Variants in PDE11A observed in about 807,000 individuals in gnomAD.
The protein encoded by PDE11A is dual 3',5'-cyclic-AMP and -GMP phosphodiesterase 11A.
A neutral mutation model predicts 100.5 loss-of-function variants in PDE11A; 100 were observed. The ratio of observed to expected loss-of-function variants is 1.00; its 90% CI spans 0.85 to 1.18. The LOEUF is 1.18. Ranked by LOEUF, PDE11A falls within the 50% of genes most tolerant of loss-of-function variation. The probability of loss-of-function intolerance (pLI) is 0.00; values close to 1 mark genes in which losing one functional copy is unlikely to be tolerated. For synonymous variants in PDE11A, 381 were observed against 420.8 expected, an observed-to-expected ratio of 0.91 and a Z score of 1.16; for missense variants, 1,141 against 1,152.6, an observed-to-expected ratio of 0.99 and a Z score of 0.15.
chr2:177,806,670 GA>G (rs2082876675), intron 9 of PDE11A, among the ~76,000 whole-genome samples: 1 of 152,026 alleles, frequency 6.6e-6, no homozygotes, highest in Admixed American at 6.6e-5. Flanking sequence ...ATCAAGAGAA[GA>G]AATAATCAAT....
chr2:177,887,430 A>T (rs2084453959), intron 4 of PDE11A, among the ~76,000 whole-genome samples: 2 of 149,488 alleles, frequency 1.3e-5, no homozygotes, highest in South Asian at 4.3e-4. Flanking sequence ...GGGTCTTAGG[A>T]AACGTCGGCT....
chr2:177,962,234 AAAG>A (rs1042839059), intron 2 of PDE11A, among the ~76,000 whole-genome samples: 17 of 152,090 alleles, frequency 1.1e-4, no homozygotes, highest in African/African-American at 3.6e-4. Context: ...ATAACTTCCT[AAAG>A]AAGGTCATAT....
At chr2:177,656,822 A>C (rs1464657202) in intron 19 of PDE11A, among the ~76,000 whole-genome samples, 5 of 152,204 alleles carry the variant, frequency 3.3e-5, no homozygotes, top group African/African-American at 9.7e-5. Context: ...TATGAGAGCG[A>C]GGAGGCATAG....
chr2:177,960,833 C>T (rs546996004), intron 2 of PDE11A, among the ~76,000 whole-genome samples: 1 of 152,194 alleles, frequency 6.6e-6, no homozygotes, highest in South Asian at 2.1e-4. Flanking sequence ...CTAGTCTTGC[C>T]CTAGACATGA....
chr2:177,848,424 G>T (rs1483170489), intron 5 of PDE11A, among the ~76,000 whole-genome samples: 1 of 152,138 alleles, frequency 6.6e-6, no homozygotes, highest in Non-Finnish European at 1.5e-5. Flanking sequence ...CCCTAAGCTC[G>T]ATTCACTTCA....
intron 16 of PDE11A, chr2:177,677,738 A>G (rs955797028): frequency 6.6e-6 from 1 of 152,178 alleles, no homozygotes; most frequent in Non-Finnish European, 1.5e-5. Context: ...ACAAATGAGC[A>G]GTTCTATGTT....
rs1329258077 is a variant in PDE11A at position 177,629,399 on chromosome 2, C to T, written c.*8G>A. ...TAGTCATTTTGCAGCTGCAGCTGACCTGGAGGTTTAGTTCCTGTCTTCCTT... is the reference window on the plus strand; with the variant it reads ...TAGTCATTTTGCAGCTGCAGCTGACTTGGAGGTTTAGTTCCTGTCTTCCTT... On this transcript the variant is annotated 3_prime_UTR_variant, in exon 20 of 20. Transcript: ENST00000286063. 2 of 1,612,994 alleles carry T rather than the reference C, an allele frequency of 1.2e-6. No homozygotes were observed. Among genetic ancestry groups the T allele is most frequent in the Admixed American group, 1.7e-5 (1 of 59,996 alleles).
At chr2:177,987,887 G>C (rs79508925) in intron 2 of PDE11A, among the ~76,000 whole-genome samples, 2,176 of 152,260 alleles carry the variant, frequency 0.014, 35 homozygotes, top group East Asian at 0.075. Context: ...AGAAGTCTTT[G>C]TAAAGTCTTT....
In PDE11A at chr2:177,865,192, C is replaced by A. The variant is rs140972635; in HGVS notation, c.1367+10667G>T. Reference sequence around the variant, plus strand: ...ACTCAGGAGGGTGAGGCAGGAGAACCACTTGAACCCAATAGACAGAGGTTG... The same window carrying A: ...ACTCAGGAGGGTGAGGCAGGAGAACAACTTGAACCCAATAGACAGAGGTTG... On this transcript the variant is annotated intron_variant, in intron 5 of 19. Transcript: ENST00000286063. 4.6e-5 allele frequency among the ~76,000 whole-genome samples: 7 copies of A among 152,082 alleles called. No individual in the cohort carries two copies. In the East Asian group the frequency reaches 1.4e-3, roughly 29 times the overall value.
At chr2:178,035,407 C>G (rs924406363) in intron 1 of PDE11A, among the ~76,000 whole-genome samples, 5 of 152,068 alleles carry the variant, frequency 3.3e-5, no homozygotes, top group African/African-American at 1.2e-4. Context: ...CAAAAAAAGC[C>G]CAGGACCAGA....
At chr2:177,985,629 C>T (rs2105806104) in intron 2 of PDE11A, among the ~76,000 whole-genome samples, 1 of 152,338 alleles carries the variant, frequency 6.6e-6, no homozygotes, top group East Asian at 1.9e-4. Context: ...GAATTCTGAA[C>T]TCAACGTTAA....
intron 12 of PDE11A, chr2:177,722,984 G>A (rs957932825): frequency 2.0e-5 from 3 of 152,130 alleles, no homozygotes; most frequent in Non-Finnish European, 4.4e-5. Flanking sequence ...AACTTCCAGT[G>A]TTACAGTCTA....
intron 2 of PDE11A, among the ~76,000 whole-genome samples, chr2:177,945,233 G>T (rs1331295510): frequency 6.6e-6 from 1 of 151,122 alleles, no homozygotes; most frequent in Non-Finnish European, 1.5e-5. Context: ...GCCTCTGCCC[G>T]GCCGCCACCC....
chr2:177,687,942 T>G (rs2080978646), intron 15 of PDE11A: 1 of 152,228 alleles, frequency 6.6e-6, no homozygotes, highest in Non-Finnish European at 1.5e-5. Context: ...ATTTGCCAGC[T>G]GATGATTTTT....
At chr2:177,930,382 A>C (rs1474711501) in intron 2 of PDE11A, among the ~76,000 whole-genome samples, 1 of 152,206 alleles carries the variant, frequency 6.6e-6, no homozygotes, top group Non-Finnish European at 1.5e-5. Flanking sequence ...TATTCAATAA[A>C]AATACCTGGA....
intron 2 of PDE11A, among the ~76,000 whole-genome samples, chr2:177,964,411 G>C (rs962652408): frequency 6.6e-6 from 1 of 151,854 alleles, no homozygotes; most frequent in African/African-American, 2.4e-5. Flanking sequence ...TTAGGTTCAG[G>C]GGGTACATGT....
intron 4 of PDE11A, among the ~76,000 whole-genome samples, chr2:177,890,904 C>T (rs1357364887): frequency 6.6e-6 from 1 of 152,128 alleles, no homozygotes; most frequent in Non-Finnish European, 1.5e-5. Context: ...TATGTTGTTT[C>T]TCCCCTTTAT....
At chr2:177,649,827 G>A (rs547100418) in intron 19 of PDE11A, among the ~76,000 whole-genome samples, 3 of 152,272 alleles carry the variant, frequency 2.0e-5, no homozygotes, top group Admixed American at 6.5e-5. Context: ...TTTGTGAATT[G>A]TGTTCACTGA....
intron 2 of PDE11A, among the ~76,000 whole-genome samples, chr2:178,084,433 T>C (rs763541499): frequency 6.6e-6 from 1 of 152,202 alleles, no homozygotes; most frequent in African/African-American, 2.4e-5. Flanking sequence ...CACTAGCCCA[T>C]AGTCAATCTA....
Sources: allele counts gnomAD v4.1 joint callset (sites outside exome capture counted in the v4.1 genomes callset), GRCh38; gene constraint gnomAD v4.1.1; transcripts MANE v1.5; gene names NCBI Gene and HGNC (gene_info 2026-07-23, HGNC 2026-07-21).